The following TENM3 variants were observed in gnomAD, a reference collection of about 807,000 sequenced individuals.
TENM3 encodes the protein teneurin transmembrane protein 3.
In TENM3, 63 loss-of-function variants were observed where a neutral mutation model predicts 255.1. That is an observed-to-expected ratio of 0.25 (90% CI 0.20 to 0.30). The LOEUF (loss-of-function observed/expected upper bound fraction) is 0.30. TENM3 is among the 10% of genes least tolerant of loss of function. The pLI is 1.00. For synonymous variants in TENM3, 1,306 were observed against 1,322.3 expected, an observed-to-expected ratio of 0.99 and a Z score of 0.27; for missense variants, 2,929 against 3,461.1, an observed-to-expected ratio of 0.85 and a Z score of 3.86.
At chr4:181,500,867 C>T in the TENM3 span, among the ~76,000 whole-genome samples, 1 of 152,090 alleles carries the variant, frequency 6.6e-6, no homozygotes, top group African/African-American at 2.4e-5. Context: ...GGGCCTGCTC[C>T]CTATTCAGTC....
At chr4:181,611,653 G>A in the TENM3 span, among the ~76,000 whole-genome samples, 1 of 152,162 alleles carries the variant, frequency 6.6e-6, no homozygotes, top group East Asian at 1.9e-4. Context: ...AAACAACCAC[G>A]TGAGTACTTA....
At chr4:182,403,037 T>G (rs1268735662) in intron 3 of TENM3, among the ~76,000 whole-genome samples, 1 of 152,238 alleles carries the variant, frequency 6.6e-6, no homozygotes, top group Non-Finnish European at 1.5e-5. Context: ...TTTTAGGTTT[T>G]TAGATTCTTG....
rs1013001235 is a variant in TENM3 at position 182,148,323 on chromosome 4, C to T, written c.-76+3569C>T. Among the ~76,000 whole-genome samples the T allele has an allele frequency of 7.9e-5, 12 of 152,168 alleles. No homozygotes were observed. The South Asian group carries it at 1.7e-3, about 21-fold the overall frequency. On this transcript the variant is annotated intron_variant, in intron 1 of 2. Transcript: ENST00000512480. ...CTCCATCTTGAAAAGTCATTTGTTT[C>T]CAAACGAGTGTGATGGCTTGTATGA... is the stretch of plus-strand genomic sequence containing the variant.
chr4:182,697,468 CT>C (rs1355894189), intron 12 of TENM3, among the ~76,000 whole-genome samples: 1 of 152,200 alleles, frequency 6.6e-6, no homozygotes, highest in Non-Finnish European at 1.5e-5. Context: ...TTCTGTGAAG[CT>C]TGCAGAACGA....
At chr4:182,235,513 T>G (rs538423508) in intron 1 of TENM3, among the ~76,000 whole-genome samples, 110 of 152,200 alleles carry the variant, frequency 7.2e-4, no homozygotes, top group Admixed American at 5.4e-3. Context: ...CTCGGTGTGC[T>G]CCAAGATTTA....
At chr4:182,335,367 C>T (rs1473154193) in intron 2 of TENM3, among the ~76,000 whole-genome samples, 1 of 145,708 alleles carries the variant, frequency 6.9e-6, no homozygotes, top group African/African-American at 2.5e-5. Flanking sequence ...CGGTGGCAGG[C>T]GCCTGTAGTC....
the TENM3 span, among the ~76,000 whole-genome samples, chr4:181,880,982 A>C: frequency 6.6e-6 from 1 of 152,208 alleles, no homozygotes; most frequent in Non-Finnish European, 1.5e-5. Flanking sequence ...TCATTCTGTT[A>C]TTTGACCCAA....
At position 182,209,535 on chromosome 4, in the gene TENM3, C is replaced by T. The variant is rs778676851; in HGVS notation, c.-76+64781C>T. On this transcript the variant is annotated intron_variant, in intron 1 of 2. Coordinates refer to the TENM3 transcript ENST00000512480. The stretch of plus-strand genomic sequence containing the variant: ...CTTTGACACTGCTAGGAGCCCCCTT[C>T]GCACCAGAATAGCTCCTCTTTGCCG... Among the ~76,000 whole-genome samples, 8 of 152,156 alleles carry T rather than the reference C, an allele frequency of 5.3e-5. 1 individual carries two copies. The highest frequency in any genetic ancestry group is 8.8e-5 in the Non-Finnish European group (6 of 68,032).
At chr4:182,205,899 G>T (rs1056731008) in intron 1 of TENM3, among the ~76,000 whole-genome samples, 1 of 151,974 alleles carries the variant, frequency 6.6e-6, no homozygotes, top group East Asian at 1.9e-4. Context: ...TTAAGCCAGC[G>T]GACAATTAAT....
At chr4:181,553,337 C>T in the TENM3 span, among the ~76,000 whole-genome samples, 1,123 of 55,788 alleles carry the variant, frequency 0.02, 9 homozygotes, top group Middle Eastern at 0.042. Context: ...TATATATATA[C>T]ACACACACAC....
intron 3 of TENM3, among the ~76,000 whole-genome samples, chr4:182,512,053 T>C (rs1454562906): frequency 6.6e-6 from 1 of 152,152 alleles, no homozygotes; most frequent in Non-Finnish European, 1.5e-5. Flanking sequence ...AAGGCATGGT[T>C]CTTAACCAGG....
the TENM3 span, among the ~76,000 whole-genome samples, chr4:181,614,269 GTT>G: frequency 2.4e-4 from 37 of 152,058 alleles, no homozygotes; most frequent in Middle Eastern, 3.4e-3. Flanking sequence ...CCACCTGTAA[GTT>G]TTGCGTTTTT....
In TENM3 at chr4:182,207,102, A is replaced by C. The variant is rs146730773; in HGVS notation, c.-76+62348A>C. Among the ~76,000 whole-genome samples the C allele has an allele frequency of 2.0e-5, 3 of 152,332 alleles. No individual in the cohort carries two copies. In the East Asian group the frequency reaches 5.8e-4, roughly 29 times the overall value. ...CAGCAGGGCAAATTAAGAAAGCTAC[A>C]TGTATGCTTGTTATTTTAGGACTAT... On this transcript the variant is annotated intron_variant, in intron 1 of 2. Coordinates refer to the TENM3 transcript ENST00000512480.
the TENM3 span, among the ~76,000 whole-genome samples, chr4:181,677,030 C>T: frequency 2.0e-5 from 3 of 148,148 alleles, no homozygotes; most frequent in South Asian, 4.2e-4. Flanking sequence ...CTGCTCAGTC[C>T]TTTCTCAGAT....
the TENM3 span, among the ~76,000 whole-genome samples, chr4:182,001,160 T>G: frequency 6.6e-6 from 1 of 152,068 alleles, no homozygotes; most frequent in Non-Finnish European, 1.5e-5. Flanking sequence ...TTATATAACC[T>G]GTTTGCGGTC....
intron 3 of TENM3, among the ~76,000 whole-genome samples, chr4:182,451,262 T>C (rs1178265197): frequency 6.6e-6 from 1 of 152,186 alleles, no homozygotes; most frequent in Non-Finnish European, 1.5e-5. Flanking sequence ...AGCAGTGGCC[T>C]AGTGTGGGGC....
intron 27 of TENM3, 41 bp downstream of exon 27, chr4:182,796,808 T>G: frequency 6.5e-7 from 1 of 1,534,624 alleles, no homozygotes. Context: ...ATAAGTAGCT[T>G]GTGTCTTATC....
intron 6 of TENM3, among the ~76,000 whole-genome samples, chr4:182,670,186 C>T (rs1755083409): frequency 6.6e-6 from 1 of 152,108 alleles, no homozygotes; most frequent in Non-Finnish European, 1.5e-5. Context: ...ACAAGTATTA[C>T]TATTGTAAAA....
At chr4:181,821,619 T>G in the TENM3 span, 1 of 152,226 alleles carries the variant, frequency 6.6e-6, no homozygotes, top group Non-Finnish European at 1.5e-5. Flanking sequence ...ATACAGCTGC[T>G]GTACAGAGAG....
Sources: gnomAD v4.1 joint callset for allele counts (sites outside exome capture counted in the v4.1 genomes callset) on GRCh38, gnomAD v4.1.1 for gene constraint, MANE v1.5 for transcripts, NCBI Gene and HGNC (gene_info 2026-07-23, HGNC 2026-07-21) for gene names.